POGLUT2: variants seen among roughly 807,000 people sequenced by gnomAD.
The protein encoded by POGLUT2 is ER protein 58.
Under a neutral mutation model 57.6 loss-of-function variants are expected in POGLUT2, and 47 were observed. The ratio of observed to expected loss-of-function variants is 0.82; its 90% CI spans 0.65 to 1.04. The LOEUF is 1.04. Ranked by LOEUF, POGLUT2 falls within the 50% of genes least tolerant of loss-of-function variation. The pLI is 0.00. For missense variants in POGLUT2, 565 were observed against 614.8 expected (o/e 0.92, Z 0.86); for synonymous variants, 200 against 218.8 (o/e 0.91, Z 0.76).
Position 102,786,278 on chromosome 13 carries a change from G to A in POGLUT2, c.1445C>T (p.Pro482Leu), listed in dbSNP as rs1375474908. 2 of 1,613,942 alleles carry A rather than the reference G, an allele frequency of 1.2e-6. No individual in the cohort carries two copies. Among genetic ancestry groups the A allele is most frequent in the Non-Finnish European group, 1.7e-6 (2 of 1,179,854 alleles). Reference sequence around the variant, plus strand: ...AGGGAAGAGGTCGTCCTCAGTCTGTGGTTCTACCCTTTTCATGCCCTCTCG... The same window carrying A: ...AGGGAAGAGGTCGTCCTCAGTCTGTAGTTCTACCCTTTTCATGCCCTCTCG... ...QIREGMKRVE[P>L]QTEDDLFPCT... Residue 482 changes from proline to leucine, a missense_variant, in exon 9 of 10, where the codon CCA (proline) becomes CTA (leucine). By Grantham distance (98) the Pro-to-Leu change is moderately conservative (BLOSUM62 -3). Transcript: ENST00000376004.
intron 2 of POGLUT2, among the ~76,000 whole-genome samples, chr13:102,796,404 T>C (rs1878391125): frequency 6.6e-6 from 1 of 151,336 alleles, no homozygotes; most frequent in Non-Finnish European, 1.5e-5. Flanking sequence ...AGTGCGCTCC[T>C]TGTCTTTCGA....
At chr13:102,786,033 C>T (rs538036279) in intron 9 of POGLUT2, among the ~76,000 whole-genome samples, 199 bp downstream of exon 9, 1 of 152,332 alleles carries the variant, frequency 6.6e-6, no homozygotes, top group South Asian at 2.1e-4. Context: ...ACCATGTCTT[C>T]TCAATTAACT....
rs1420322982 is a variant in POGLUT2 at position 102,798,565 on chromosome 13, C to T, written c.106G>A (p.Gly36Arg). ...QLSPEKSEIW[G>R]PGLKADVVLP... ...ACGACGTCTGCTTTTAGCCCGGGTC[C>T]CCATATTTCGCTCTTCTCCGGGCTC... The change falls in exon 1 of 10, where the codon GGA becomes AGA. Residue 36 changes from glycine to arginine, a missense_variant. Gly to Arg is a moderately radical substitution (Grantham distance 125). Transcript: ENST00000376004. 1.9e-6 allele frequency: 3 copies of T among 1,613,436 alleles called. No homozygotes were observed. Among genetic ancestry groups the T allele is most frequent in the Non-Finnish European group, 2.5e-6 (3 of 1,179,686 alleles).
At chr13:102,796,780 T>C in intron 2 of POGLUT2, 24 bp downstream of exon 2, 1 of 1,318,142 alleles carries the variant, frequency 7.6e-7, no homozygotes, top group Non-Finnish European at 1.1e-6. Context: ...AATACTGCTG[T>C]TATAAAATTA....
intron 4 of POGLUT2, among the ~76,000 whole-genome samples, chr13:102,792,987 C>A (rs1252231827): frequency 6.6e-6 from 1 of 152,266 alleles, no homozygotes; most frequent in South Asian, 2.1e-4. Context: ...TGTTGCCCAG[C>A]CTGGTCTCAA....
chr13:102,797,613 A>ACGC (rs1878468434), intron 1 of POGLUT2, among the ~76,000 whole-genome samples: 1 of 152,032 alleles, frequency 6.6e-6, no homozygotes, highest in South Asian at 2.1e-4. Context: ...GAGGTGGCAC[A>ACGC]CGCCTGTAGT....
chr13:102,786,584 C>CTT (rs36017149), intron 8 of POGLUT2, among the ~76,000 whole-genome samples: 29 of 149,732 alleles, frequency 1.9e-4, no homozygotes, highest in Non-Finnish European at 3.1e-4. Context: ...ATTTCCATGA[C>CTT]TTTTTTTTTT....
intron 7 of POGLUT2, among the ~76,000 whole-genome samples, chr13:102,788,542 A>G (rs552518208): frequency 6.6e-6 from 1 of 152,264 alleles, no homozygotes; most frequent in South Asian, 2.1e-4. Context: ...GCTGGAGTGC[A>G]ATGGTGTGGT....
intron 4 of POGLUT2, chr13:102,793,023 G>A (rs892669116): frequency 2.2e-5 from 5 of 227,950 alleles, no homozygotes; most frequent in African/African-American, 1.1e-4. Context: ...TGATCCACCC[G>A]CTTTGACCTC....
Position 102,791,354 on chromosome 13 carries a change from A to G in POGLUT2, c.749T>C (p.Ile250Thr). The G allele has an allele frequency of 6.2e-7, 1 of 1,612,898 alleles. No individual in the cohort carries two copies. The highest frequency in any genetic ancestry group is 8.5e-7 in the Non-Finnish European group (1 of 1,179,728). ...GCCACACCAGGAAAAGATCGGATGG[A>G]TGTTTGAATTGGATTTCTTTTTTTC... is the stretch of plus-strand genomic sequence containing the variant. Reference protein sequence around the residue: ...PLEKKKSNSNIHPIFSWCGST... With the variant: ...PLEKKKSNSNTHPIFSWCGST... Residue 250 changes from isoleucine (I) to threonine (T), a missense_variant, in exon 5 of 10, where the codon ATC becomes ACC. By Grantham distance (89) the Ile-to-Thr change is moderately conservative (BLOSUM62 -1). Transcript: ENST00000376004.
chr13:102,796,699 A>AATATATATATATATAT (rs869271164), intron 2 of POGLUT2, 105 bp downstream of exon 2: 2 of 150,196 alleles, frequency 1.3e-5, no homozygotes, highest in African/African-American at 5.7e-5. Context: ...AAAAAAAAAA[A>AATATATATATATATAT]ATATATATAT....
At position 102,798,405 on chromosome 13, in the gene POGLUT2, C is replaced by G. The variant is rs531315403; in HGVS notation, c.182+84G>C. 7.1e-5 allele frequency: 92 copies of G among 1,296,284 alleles called. 1 individual carries two copies. The South Asian group carries it at 1.4e-3, about 19-fold the overall frequency. The allele number at this position is 1,296,284 out of a possible 1,614,324, so 80.3% of individuals were successfully genotyped here. On this transcript the variant is annotated intron_variant, in intron 1 of 9. Transcript: ENST00000376004. ...TGGAATATAAACTGCTGTGGAGAAA[C>G]GAGTTCTTGGAAAGAAAAATCTTAA...
At position 102,798,556 on chromosome 13, in the gene POGLUT2, G is replaced by C. The variant is rs1878537179; in HGVS notation, c.115C>G (p.Leu39Val). The C allele has an allele frequency of 1.2e-6, 2 of 1,613,040 alleles. No homozygotes were observed. Among genetic ancestry groups the C allele is most frequent in the Admixed American group, 1.7e-5 (1 of 59,926 alleles). ...PEKSEIWGPGLKADVVLPARY... is the reference protein window; with the variant it reads ...PEKSEIWGPGVKADVVLPARY... Reference sequence around the variant, plus strand: ...GCGGGAAGGACGACGTCTGCTTTTAGCCCGGGTCCCCATATTTCGCTCTTC... The same window carrying C: ...GCGGGAAGGACGACGTCTGCTTTTACCCCGGGTCCCCATATTTCGCTCTTC... The change falls in exon 1 of 10, where the codon CTA (leucine) becomes GTA (valine). Residue 39 changes from leucine (L) to valine (V), a missense_variant. Coordinates refer to ENST00000376004, the MANE Select transcript of POGLUT2 (RefSeq NM_024089.3).
intron 1 of POGLUT2, among the ~76,000 whole-genome samples, chr13:102,798,087 A>G (rs1303423667): frequency 6.6e-6 from 1 of 152,230 alleles, no homozygotes; most frequent in Admixed American, 6.5e-5. Flanking sequence ...GTTTCAAAAC[A>G]TGCTTACCTG....
Position 102,789,200 on chromosome 13 carries a change from C to T in POGLUT2, c.1105G>A (p.Asp369Asn), listed in dbSNP as rs1470001786. 3 of 1,613,850 alleles carry T rather than the reference C, an allele frequency of 1.9e-6. No homozygotes were observed. The highest frequency in any genetic ancestry group is 2.5e-6 in the Non-Finnish European group (3 of 1,179,884). Residue 369 changes from aspartate (D) to asparagine (N), a missense_variant, in exon 7 of 10, where the codon GAT (aspartate) becomes AAT (asparagine). By Grantham distance (23) the Asp-to-Asn change is conservative. Coordinates refer to ENST00000376004, the MANE Select transcript of POGLUT2 (RefSeq NM_024089.3). ...AGGCGATAAGCTGCTACAGTGCCAT[C>T]GATATTTATTTGATACTTATGCTGC... ...FFKHKYQINI[D>N]GTVAAYRLPY... is the part of the protein sequence containing the mutation.
At position 102,793,603 on chromosome 13, in the gene POGLUT2, T is replaced by C; in HGVS notation, c.592A>G (p.Lys198Glu). The change falls in exon 3 of 10, where the codon AAG (lysine) becomes GAG (glutamate). Residue 198 changes from lysine (K) to glutamate (E), a missense_variant and splice_region_variant. Transcript: ENST00000376004. ...SLCHYTLKDN[K>E]VYIKTHGEHV... ...AAGCAAAAAATCATGTGTTGTACCT[T>C]GTTATCCTTTAAGGTGTAGTGACAT... 2 of 1,612,436 alleles carry C rather than the reference T, an allele frequency of 1.2e-6. No homozygotes were observed. The highest frequency in any genetic ancestry group is 1.7e-6 in the Non-Finnish European group (2 of 1,178,648).
Position 102,790,930 on chromosome 13 carries a change from T to C in POGLUT2, c.1054A>G (p.Lys352Glu). Residue 352 changes from lysine (K) to glutamate (E), a missense_variant, in exon 6 of 10, where the codon AAA becomes GAA. Lys to Glu is a moderately conservative substitution (Grantham distance 56). Transcript: ENST00000376004. ...AAGAAATCAAAAAATGAAATATGTT[T>C]CACAATGGGACCATACAGGTTTTCA... is the stretch of plus-strand genomic sequence containing the variant. The part of the protein sequence containing the change: ...HDENLYGPIV[K>E]HISFFDFFKH... 6.2e-7 allele frequency: 1 copy of C among 1,610,924 alleles called. No homozygotes were observed. Among genetic ancestry groups the C allele is most frequent in the South Asian group, 1.1e-5 (1 of 91,034 alleles).
At chr13:102,787,752 T>C (rs1310995485) in intron 8 of POGLUT2, 82 bp downstream of exon 8, 4 of 682,284 alleles carry the variant, frequency 5.9e-6, no homozygotes, top group East Asian at 2.7e-5. Context: ...AACATATGTT[T>C]AGAAATTGTT....
At position 102,796,543 on chromosome 13, in the gene POGLUT2, T is replaced by C. The variant is rs142883165; in HGVS notation, c.388+261A>G. Among the ~76,000 whole-genome samples the C allele has an allele frequency of 1.4e-3, 217 of 151,148 alleles. 1 individual carries two copies. The highest frequency in any genetic ancestry group is 4.8e-3 in the African/African-American group (201 of 41,456). ...CAGCTTGATTATTCTTGCTAATGTA[T>C]GTCTTCGCGGAGTAAATTCTCTACT... On this transcript the variant is annotated intron_variant, in intron 2 of 9. Coordinates refer to ENST00000376004, the MANE Select transcript of POGLUT2 (RefSeq NM_024089.3).
Sources: gnomAD v4.1 joint callset for allele counts (sites outside exome capture counted in the v4.1 genomes callset) on GRCh38, gnomAD v4.1.1 for gene constraint, MANE v1.5 for transcripts, NCBI Gene and HGNC (gene_info 2026-07-23, HGNC 2026-07-21) for gene names.